The following CARMIL1 variants were observed in gnomAD, a reference collection of about 807,000 sequenced individuals.
The protein encoded by CARMIL1 is capping protein regulator and myosin 1 linker 1, also known as F-actin-uncapping protein LRRC16A.
In CARMIL1, 90 loss-of-function variants were observed where a neutral mutation model predicts 177.1. That is an observed-to-expected ratio of 0.51 (90% CI 0.43 to 0.61). The LOEUF is 0.61. Among genes scored for constraint, CARMIL1 ranks in the 20% least tolerant of loss-of-function variants. The pLI, the probability that CARMIL1 is intolerant of heterozygous loss-of-function variation, is 0.00. For missense variants in CARMIL1, 1,380 were observed against 1,667.0 expected, an observed-to-expected ratio of 0.83 and a Z score of 3.00; for synonymous variants, 577 against 606.2, an observed-to-expected ratio of 0.95 and a Z score of 0.71.
chr6:25,330,154 A>G (rs1421744655), intron 2 of CARMIL1, among the ~76,000 whole-genome samples: 1 of 152,262 alleles, frequency 6.6e-6, no homozygotes, highest in Non-Finnish European at 1.5e-5. Context: ...TAAATAAGAC[A>G]GAACATGCAG....
intron 2 of CARMIL1, among the ~76,000 whole-genome samples, chr6:25,342,228 A>G (rs543202750): frequency 1.6e-4 from 24 of 152,128 alleles, no homozygotes; most frequent in Admixed American, 1.6e-3. Context: ...TAGGCCAGAG[A>G]TTTATTTGGA....
chr6:25,548,388 G>A (rs1316053182), intron 26 of CARMIL1, among the ~76,000 whole-genome samples: 1 of 152,202 alleles, frequency 6.6e-6, no homozygotes, highest in African/African-American at 2.4e-5. Flanking sequence ...TATTGTTTGA[G>A]TGGGGAGGGG....
At chr6:25,505,529 T>G (rs532268732) in intron 17 of CARMIL1, among the ~76,000 whole-genome samples, 5 of 152,154 alleles carry the variant, frequency 3.3e-5, no homozygotes, top group Non-Finnish European at 7.4e-5. Context: ...CTTGGCTCAC[T>G]GCAACCTGCA....
At chr6:25,444,778 G>A (rs1408933659) in intron 5 of CARMIL1, among the ~76,000 whole-genome samples, 2 of 152,144 alleles carry the variant, frequency 1.3e-5, no homozygotes, top group Non-Finnish European at 1.5e-5. Context: ...TATCATTGAT[G>A]GACATCTGGT....
chr6:25,429,994 C>T (rs752129102), intron 4 of CARMIL1, among the ~76,000 whole-genome samples: 1 of 151,842 alleles, frequency 6.6e-6, no homozygotes, highest in East Asian at 1.9e-4. Context: ...TACAAGCACG[C>T]GTCATGACAT....
rs1239364061 is a variant in CARMIL1, at chr6:25,459,262, C to CT, written c.615-6608dup. Among the ~76,000 whole-genome samples, 47 of 101,476 alleles carry CT rather than the reference C, an allele frequency of 4.6e-4. 2 individuals are homozygous for CT. The highest frequency in any genetic ancestry group is 7.4e-4 in the Non-Finnish European group (39 of 52,496). The allele number at this position is 101,476 out of a possible 152,430, so 66.6% of individuals were successfully genotyped here. A position where few individuals can be genotyped will look rare whatever the true frequency, so the allele number is the denominator to read the frequency against. On this transcript the variant is annotated intron_variant, in intron 8 of 36. Coordinates refer to ENST00000329474, the MANE Select transcript of CARMIL1 (RefSeq NM_017640.6). ...TCTTTCTTTCTTTCTTTCTTTCTTTCTTTCTTTTTTTTTTTTTTAAGACAG... is the reference window on the plus strand; with the variant it reads ...TCTTTCTTTCTTTCTTTCTTTCTTTCTTTTCTTTTTTTTTTTTTTAAGACAG...
intron 12 of CARMIL1, 73 bp from the exon 13 acceptor site, chr6:25,488,409 C>A: frequency 9.5e-7 from 1 of 1,049,322 alleles, no homozygotes; most frequent in Non-Finnish European, 1.5e-6. Flanking sequence ...AAGTGTTGGG[C>A]CATTTATAGA....
At chr6:25,592,657 A>G (rs192067486) in intron 31 of CARMIL1, among the ~76,000 whole-genome samples, 7 of 152,318 alleles carry the variant, frequency 4.6e-5, no homozygotes, top group Non-Finnish European at 8.8e-5. Context: ...GAGCTTCCCA[A>G]TGAATGAAGC....
intron 10 of CARMIL1, 82 bp downstream of exon 10, chr6:25,471,339 T>G: frequency 1.0e-6 from 1 of 1,001,862 alleles, no homozygotes; most frequent in East Asian, 2.6e-5. Context: ...TAGTTTTTTT[T>G]TTTTTTAATT....
At chr6:25,421,612 T>A (rs1177358995) in intron 3 of CARMIL1, among the ~76,000 whole-genome samples, 6 of 151,570 alleles carry the variant, frequency 4.0e-5, no homozygotes, top group East Asian at 1.9e-4. Flanking sequence ...TAGCAAAGAC[T>A]TGGAACCAAC....
At chr6:25,283,995 G>C (rs1781338124) in intron 1 of CARMIL1, among the ~76,000 whole-genome samples, 1 of 152,080 alleles carries the variant, frequency 6.6e-6, no homozygotes, top group African/African-American at 2.4e-5. Flanking sequence ...TGGGATTACA[G>C]ACGTGAGCCA....
At position 25,540,034 on chromosome 6, in the gene CARMIL1, T is replaced by G. The variant is rs1212870900; in HGVS notation, c.2284T>G (p.Ser762Ala). ...LSSPIQETLE[S>A]MAGEVTRVVD... ...CAGTCCAATTCAGGAGACCCTGGAA[T>G]CAATGGCTGGAGAAGTTACAAGAGT... is the stretch of plus-strand genomic sequence containing the variant. The change falls in exon 26 of 37, where the codon TCA becomes GCA. Residue 762 changes from serine to alanine, a missense_variant. By Grantham distance (99) the Ser-to-Ala change is moderately conservative. Transcript: ENST00000329474. The G allele has an allele frequency of 1.2e-6, 2 of 1,610,038 alleles. No individual in the cohort carries two copies. Among genetic ancestry groups the G allele is most frequent in the African/African-American group, 2.7e-5 (2 of 74,732 alleles).
At chr6:25,376,795 C>T (rs1436467142) in intron 2 of CARMIL1, among the ~76,000 whole-genome samples, 1 of 152,116 alleles carries the variant, frequency 6.6e-6, no homozygotes, top group Non-Finnish European at 1.5e-5. Flanking sequence ...TCAGTTGTGG[C>T]TAAAGCAGGT....
intron 2 of CARMIL1, among the ~76,000 whole-genome samples, chr6:25,361,831 C>T (rs761264190): frequency 4.6e-5 from 7 of 152,052 alleles, no homozygotes; most frequent in African/African-American, 7.3e-5. Context: ...GCTCTCTCAC[C>T]GTATGATGCT....
chr6:25,522,904 T>C (rs1334918275), intron 23 of CARMIL1, among the ~76,000 whole-genome samples: 2 of 152,228 alleles, frequency 1.3e-5, no homozygotes, highest in African/African-American at 4.8e-5. Flanking sequence ...CAACCACCTG[T>C]GCTCAAGTGA....
intron 33 of CARMIL1, among the ~76,000 whole-genome samples, chr6:25,604,572 G>A (rs779332628): frequency 2.6e-5 from 4 of 152,048 alleles, no homozygotes; most frequent in South Asian, 4.2e-4. Flanking sequence ...GGAGCCTTCC[G>A]AGGAACCAAA....
Position 25,551,243 on chromosome 6 carries a change from A to G in CARMIL1, c.2504+158A>G, listed in dbSNP as rs144726530. Among the ~76,000 whole-genome samples the G allele has an allele frequency of 3.9e-5, 6 of 152,346 alleles. No individual in the cohort carries two copies. The East Asian group carries it at 1.2e-3, about 29-fold the overall frequency. On this transcript the variant is annotated intron_variant, in intron 27 of 36. Coordinates refer to ENST00000329474, the MANE Select transcript of CARMIL1 (RefSeq NM_017640.6). The stretch of plus-strand genomic sequence containing the variant: ...TATAAATATAACTGTGCATAAATGC[A>G]TAAGTTTTATACATTTCCAAAATGA...
intron 4 of CARMIL1, 129 bp from the exon 5 acceptor site, chr6:25,435,354 T>A (rs1157313990): frequency 2.7e-6 from 3 of 1,099,812 alleles, no homozygotes; most frequent in Non-Finnish European, 3.6e-6. Context: ...TCGAACCTTG[T>A]TAAAGAAAAA....
intron 2 of CARMIL1, among the ~76,000 whole-genome samples, chr6:25,398,652 G>T (rs9467492): frequency 0.44 from 66,960 of 152,026 alleles, 15,014 homozygotes; most frequent in Middle Eastern, 0.58. Context: ...ACGACTATCT[G>T]CTTTATACCA....
Sources: gnomAD v4.1 joint callset for allele counts (sites outside exome capture counted in the v4.1 genomes callset) on GRCh38, gnomAD v4.1.1 for gene constraint, MANE v1.5 for transcripts, NCBI Gene and HGNC (gene_info 2026-07-23, HGNC 2026-07-21) for gene names.